ZNF423: variants seen among roughly 807,000 people sequenced by gnomAD.
ZNF423 encodes zinc finger protein 423, also known as Ebf-associated zinc finger protein.
A neutral mutation model predicts 95.8 loss-of-function variants in ZNF423; 12 were observed. That is an observed-to-expected ratio of 0.13 (90% CI 0.08 to 0.20). ZNF423 has a LOEUF of 0.20. Among genes scored for constraint, ZNF423 ranks in the 10% least tolerant of loss-of-function variants. The probability of loss-of-function intolerance (pLI) is 1.00; values close to 1 mark genes in which losing one functional copy is unlikely to be tolerated. For synonymous variants in ZNF423, 749 were observed against 711.9 expected, an observed-to-expected ratio of 1.05 and a Z score of -0.83; for missense variants, 1,316 against 1,737.1, an observed-to-expected ratio of 0.76 and a Z score of 4.31.
intron 4 of ZNF423, among the ~76,000 whole-genome samples, chr16:49,627,920 C>A (rs1207011754): frequency 6.7e-6 from 1 of 150,012 alleles, no homozygotes; most frequent in East Asian, 2.0e-4. Flanking sequence ...TACATACACA[C>A]CCACCAATAG....
At position 49,568,521 on chromosome 16, in the gene ZNF423, G is replaced by A. The variant is rs555835631; in HGVS notation, c.3602-43027C>T. On this transcript the variant is annotated intron_variant, in intron 5 of 7. Coordinates refer to ENST00000563137, the MANE Select transcript of ZNF423 (RefSeq NM_001379286.1). ...AAAAAACCTCTGACAAGGCATACAA[G>A]GTATGTATGCCTCCTAAATCTTCAG... Among the ~76,000 whole-genome samples the A allele has an allele frequency of 2.6e-5, 4 of 152,102 alleles. No individual in the cohort carries two copies. In the South Asian group the frequency reaches 8.3e-4, roughly 32 times the overall value.
At chr16:49,769,368 A>G (rs1037142829) in intron 2 of ZNF423, among the ~76,000 whole-genome samples, 3 of 83,558 alleles carry the variant, frequency 3.6e-5, no homozygotes, top group Non-Finnish European at 6.4e-5. Context: ...AAAAAAAAGA[A>G]AAAAAGAAAA....
intron 1 of ZNF423, among the ~76,000 whole-genome samples, chr16:49,792,669 C>T (rs573434123): frequency 1.1e-4 from 17 of 152,296 alleles, no homozygotes; most frequent in African/African-American, 4.1e-4. Flanking sequence ...TCCTCTAGCC[C>T]ATATTCTGTT....
chr16:49,619,545 AG>A (rs1304177582), intron 5 of ZNF423, among the ~76,000 whole-genome samples: 1 of 151,982 alleles, frequency 6.6e-6, no homozygotes, highest in Non-Finnish European at 1.5e-5. Flanking sequence ...AAGACTGTTG[AG>A]GGGGAAGTGA....
intron 4 of ZNF423, among the ~76,000 whole-genome samples, chr16:49,627,740 G>T (rs1252540574): frequency 1.1e-5 from 1 of 92,778 alleles, no homozygotes; most frequent in South Asian, 3.9e-4. Flanking sequence ...CTATCTACCC[G>T]CCCATCCATC....
At chr16:49,564,902 G>A (rs866137629) in intron 5 of ZNF423, among the ~76,000 whole-genome samples, 5 of 152,238 alleles carry the variant, frequency 3.3e-5, no homozygotes, top group Admixed American at 2.0e-4. Context: ...TCTCCTCCTC[G>A]TCCTCATCTT....
chr16:49,834,506 G>A (rs1012526154), intron 1 of ZNF423, among the ~76,000 whole-genome samples: 1 of 152,202 alleles, frequency 6.6e-6, no homozygotes, highest in African/African-American at 2.4e-5. Flanking sequence ...GGGAAGAATG[G>A]GTGGAGGCCA....
At chr16:49,550,952 C>G (rs1597090182) in intron 5 of ZNF423, among the ~76,000 whole-genome samples, 3 of 152,220 alleles carry the variant, frequency 2.0e-5, no homozygotes, top group African/African-American at 7.2e-5. Flanking sequence ...CCCTTTGTGG[C>G]TGGGTTTGCA....
rs1313380133 is a variant in ZNF423 at position 49,490,238 on chromosome 16, G to A, written c.*1037C>T. On this transcript the variant is annotated 3_prime_UTR_variant, in exon 8 of 8. Transcript: ENST00000563137. ...ACTTGCCTGCCTGTATCCAACAAAG[G>A]GGAAAGCCAACCCTGAAGGGAAAGC... 2 of 152,266 alleles carry A rather than the reference G, an allele frequency of 1.3e-5. No homozygotes were observed. The highest frequency in any genetic ancestry group is 1.5e-5 in the Non-Finnish European group (1 of 68,086). 9.4% of individuals were successfully genotyped at this position (152,266 alleles called of 1,614,324 possible).
At chr16:49,649,114 C>G (rs1973290067) in intron 3 of ZNF423, among the ~76,000 whole-genome samples, 1 of 152,096 alleles carries the variant, frequency 6.6e-6, no homozygotes, top group African/African-American at 2.4e-5. Flanking sequence ...AAGCAGGAAA[C>G]AGGTTAATAA....
chr16:49,793,142 A>G (rs1462922198), intron 1 of ZNF423, among the ~76,000 whole-genome samples: 1 of 152,128 alleles, frequency 6.6e-6, no homozygotes, highest in East Asian at 1.9e-4. Flanking sequence ...CTACCCAGCA[A>G]TGAGTGTGAG....
intron 3 of ZNF423, among the ~76,000 whole-genome samples, chr16:49,695,672 C>T (rs1033301412): frequency 6.6e-6 from 1 of 152,362 alleles, no homozygotes; most frequent in Admixed American, 6.5e-5. Context: ...GGTGATCCAC[C>T]CACCTCGGCC....
intron 1 of ZNF423, among the ~76,000 whole-genome samples, chr16:49,833,468 G>T (rs546300807): frequency 6.6e-6 from 1 of 152,302 alleles, no homozygotes; most frequent in East Asian, 1.9e-4. Flanking sequence ...CAATGTTTAT[G>T]AAAAGAAACT....
chr16:49,623,097 G>A (rs749522416), intron 5 of ZNF423, among the ~76,000 whole-genome samples: 11 of 152,124 alleles, frequency 7.2e-5, no homozygotes, highest in Non-Finnish European at 1.6e-4. Flanking sequence ...CCAGCCACCG[G>A]AGGTCTGGCT....
chr16:49,784,231 C>T (rs1211401071), intron 2 of ZNF423, among the ~76,000 whole-genome samples: 3 of 151,970 alleles, frequency 2.0e-5, no homozygotes, highest in South Asian at 2.1e-4. Context: ...TAAAAACAAG[C>T]GTTCAAGCAA....
At chr16:49,556,855 C>G (rs113203242) in intron 5 of ZNF423, among the ~76,000 whole-genome samples, 63 of 152,232 alleles carry the variant, frequency 4.1e-4, no homozygotes, top group African/African-American at 1.5e-3. Context: ...GAGAACAGCA[C>G]ACTTTACGGT....
At chr16:49,628,958 G>A (rs1356242168) in intron 4 of ZNF423, among the ~76,000 whole-genome samples, 2 of 152,168 alleles carry the variant, frequency 1.3e-5, no homozygotes, top group Admixed American at 6.5e-5. Flanking sequence ...GGGTGGTATT[G>A]GAATCACAAT....
intron 7 of ZNF423, among the ~76,000 whole-genome samples, chr16:49,498,101 A>G (rs1172463336): frequency 1.3e-5 from 2 of 152,176 alleles, no homozygotes; most frequent in Non-Finnish European, 2.9e-5. Flanking sequence ...GAAGGTGGGA[A>G]TGGCACCGAT....
At chr16:49,558,334 C>T (rs574039564) in intron 5 of ZNF423, among the ~76,000 whole-genome samples, 18 of 152,230 alleles carry the variant, frequency 1.2e-4, no homozygotes, top group Non-Finnish European at 2.6e-4. Flanking sequence ...ACACAAGCAC[C>T]CCAGGAGCAT....
Sources: allele counts gnomAD v4.1 joint callset (sites outside exome capture counted in the v4.1 genomes callset), GRCh38; gene constraint gnomAD v4.1.1; transcripts MANE v1.5; gene names NCBI Gene and HGNC (gene_info 2026-07-23, HGNC 2026-07-21).